The following LMBRD1 variants were observed in gnomAD, a reference collection of about 807,000 sequenced individuals.
LMBRD1 encodes the protein lysosomal cobalamin transport escort protein LMBD1.
Under a neutral mutation model 74.8 loss-of-function variants are expected in LMBRD1, and 64 were observed. The ratio of observed to expected loss-of-function variants is 0.86; its 90% CI spans 0.70 to 1.05. The LOEUF (loss-of-function observed/expected upper bound fraction) is 1.05. Among genes scored for constraint, LMBRD1 ranks in the 50% least tolerant of loss-of-function variants. The probability of loss-of-function intolerance (pLI) is 0.00; values close to 1 mark genes in which losing one functional copy is unlikely to be tolerated. For synonymous variants in LMBRD1, 204 were observed against 216.3 expected, an observed-to-expected ratio of 0.94 and a Z score of 0.50; for missense variants, 652 against 645.9, an observed-to-expected ratio of 1.01 and a Z score of -0.10.
chr6:69,727,852 C>T (rs1054862114), intron 7 of LMBRD1, among the ~76,000 whole-genome samples: 7 of 151,988 alleles, frequency 4.6e-5, no homozygotes, highest in African/African-American at 1.7e-4. Flanking sequence ...ATCATTTTAA[C>T]CTATTTAATT....
chr6:69,739,695 C>T lies in LMBRD1; in HGVS notation c.563-1680G>A, dbSNP rs191871944. ...ATGATATTAACTGAATGGAATACTG[C>T]GAAAAAATTGCTGGAGTGATGGATG... On this transcript the variant is annotated intron_variant, in intron 6 of 15. Coordinates refer to ENST00000649934, the MANE Select transcript of LMBRD1 (RefSeq NM_018368.4). Among the ~76,000 whole-genome samples the T allele has an allele frequency of 2.1e-3, 317 of 152,066 alleles. 2 individuals carry two copies. The highest frequency in any genetic ancestry group is 7.3e-3 in the African/African-American group (302 of 41,462).
intron 8 of LMBRD1, among the ~76,000 whole-genome samples, chr6:69,715,687 T>TAC (rs143472030): frequency 7.2e-4 from 109 of 151,504 alleles, no homozygotes; most frequent in Admixed American, 1.4e-3. Flanking sequence ...ATTTTCTATT[T>TAC]ACACACACAC....
At chr6:69,733,572 TACACACCA>T (rs1159832167) in intron 7 of LMBRD1, among the ~76,000 whole-genome samples, 5 of 152,152 alleles carry the variant, frequency 3.3e-5, no homozygotes, top group African/African-American at 4.8e-5. Flanking sequence ...AGCTCAGCTA[TACACACCA>T]TGATGCCCCT....
At chr6:69,773,424 C>G (rs7763931) in intron 3 of LMBRD1, among the ~76,000 whole-genome samples, 17,070 of 152,014 alleles carry the variant, frequency 0.11, 2,687 homozygotes, top group African/African-American at 0.35. Context: ...CTAAGATAAA[C>G]CTAAGTTCAA....
intron 3 of LMBRD1, among the ~76,000 whole-genome samples, chr6:69,754,582 C>T (rs1765230919): frequency 6.6e-6 from 1 of 152,146 alleles, no homozygotes; most frequent in African/African-American, 2.4e-5. Flanking sequence ...TTTATGCAGG[C>T]TTTTAATATT....
intron 7 of LMBRD1, among the ~76,000 whole-genome samples, chr6:69,723,558 C>T (rs766198805): frequency 1.6e-4 from 24 of 151,978 alleles, no homozygotes; most frequent in Non-Finnish European, 2.8e-4. Context: ...AAACAATATG[C>T]TCCTAAATGA....
rs756911378 is a variant in LMBRD1 at position 69,692,636 on chromosome 6, GA to G, written c.1417+4926del. On this transcript the variant is annotated intron_variant, in intron 14 of 15. Transcript: ENST00000649934. ...TTAATACAGGTTTTTTTCTCTGCTTGAAATATCCATATGTTATTTTCTCTTT... is the reference window on the plus strand; with the variant it reads ...TTAATACAGGTTTTTTTCTCTGCTTGAATATCCATATGTTATTTTCTCTTT... Among the ~76,000 whole-genome samples, 5 of 151,760 alleles carry G rather than the reference GA, an allele frequency of 3.3e-5. No homozygotes were observed. The East Asian group carries it at 9.7e-4, about 29-fold the overall frequency.
In LMBRD1 at chr6:69,676,022, T is replaced by C. The variant is rs1357647370; in HGVS notation, c.*136A>G. 3 of 688,512 alleles carry C rather than the reference T, an allele frequency of 4.4e-6. No homozygotes were observed. The highest frequency in any genetic ancestry group is 7.8e-6 in the Non-Finnish European group (3 of 386,712). 42.7% of individuals were successfully genotyped at this position (688,512 alleles called of 1,614,324 possible). ...CAATGTTACTTCAGAAAACATATAA[T>C]AAAATATAGTTGTCTTATAGCCATG... On this transcript the variant is annotated 3_prime_UTR_variant, in exon 16 of 16. Transcript: ENST00000649934.
intron 14 of LMBRD1, among the ~76,000 whole-genome samples, chr6:69,691,875 C>CAAAAAAAAA (rs34100007): frequency 7.7e-5 from 5 of 65,022 alleles, no homozygotes; most frequent in East Asian, 4.1e-4. Flanking sequence ...GACTCCGTCT[C>CAAAAAAAAA]AAAAAAAAAA....
chr6:69,771,148 G>C lies in LMBRD1; in HGVS notation c.307+9346C>G, dbSNP rs139289087. 1.2e-3 allele frequency among the ~76,000 whole-genome samples: 186 copies of C among 152,334 alleles called. No individual in the cohort carries two copies. In the Middle Eastern group the frequency reaches 0.014, roughly 11 times the overall value. On this transcript the variant is annotated intron_variant, in intron 3 of 15. Coordinates refer to ENST00000649934, the MANE Select transcript of LMBRD1 (RefSeq NM_018368.4). The stretch of plus-strand genomic sequence containing the variant: ...CAGATTCTATGAGTCAAGAATATGA[G>C]CACAGTTTAGCTGGGTCCCCAAGCT...
chr6:69,793,557 T>A (rs575680639), intron 1 of LMBRD1, among the ~76,000 whole-genome samples: 1 of 152,056 alleles, frequency 6.6e-6, no homozygotes, highest in Non-Finnish European at 1.5e-5. Context: ...ACAGAGGACA[T>A]TGAAGCTAGA....
chr6:69,690,831 TCTTCA>T (rs1463957575), intron 14 of LMBRD1, among the ~76,000 whole-genome samples: 2 of 152,248 alleles, frequency 1.3e-5, no homozygotes, highest in Admixed American at 1.3e-4. Context: ...GTTAAAAATT[TCTTCA>T]CTTAATTCTC....
intron 2 of LMBRD1, among the ~76,000 whole-genome samples, chr6:69,785,258 G>A (rs940436263): frequency 5.3e-5 from 8 of 152,082 alleles, no homozygotes; most frequent in Admixed American, 2.0e-4. Flanking sequence ...CCTTCTACAC[G>A]ATAGAGAACT....
chr6:69,791,367 C>G (rs1467884430), intron 1 of LMBRD1, among the ~76,000 whole-genome samples: 1 of 152,186 alleles, frequency 6.6e-6, no homozygotes, highest in African/African-American at 2.4e-5. Flanking sequence ...TAGGGAGTTG[C>G]AGACAGAGAC....
chr6:69,793,718 C>CTTTTTTTTTTTTT (rs34341228), intron 1 of LMBRD1, among the ~76,000 whole-genome samples: 1 of 96,030 alleles, frequency 1.0e-5, no homozygotes, highest in African/African-American at 4.2e-5. Context: ...TGTCCTGAAT[C>CTTTTTTTTTTTTT]TTTTTTTTTT....
chr6:69,785,850 A>G (rs1562126395), intron 2 of LMBRD1, among the ~76,000 whole-genome samples: 1 of 152,154 alleles, frequency 6.6e-6, no homozygotes, highest in Admixed American at 6.5e-5. Flanking sequence ...TCAACAATAC[A>G]TGTCAGCCAA....
At chr6:69,751,688 T>C (rs571086749) in intron 4 of LMBRD1, among the ~76,000 whole-genome samples, 5 of 152,250 alleles carry the variant, frequency 3.3e-5, no homozygotes, top group Non-Finnish European at 7.3e-5. Flanking sequence ...TCCTTCTTTA[T>C]GCTTTTGAAC....
intron 7 of LMBRD1, among the ~76,000 whole-genome samples, chr6:69,719,958 AC>A (rs1197331796): frequency 6.6e-6 from 1 of 152,144 alleles, no homozygotes; most frequent in Non-Finnish European, 1.5e-5. Context: ...TTTAGGCATG[AC>A]CCCAAACACC....
At chr6:69,764,497 A>G (rs1765439435) in intron 3 of LMBRD1, among the ~76,000 whole-genome samples, 2 of 152,200 alleles carry the variant, frequency 1.3e-5, no homozygotes, top group South Asian at 2.1e-4. Context: ...TTGTTATAGC[A>G]GCCTTAACTA....
Sources: gnomAD v4.1 joint callset for allele counts (sites outside exome capture counted in the v4.1 genomes callset) on GRCh38, gnomAD v4.1.1 for gene constraint, MANE v1.5 for transcripts, NCBI Gene and HGNC (gene_info 2026-07-23, HGNC 2026-07-21) for gene names.